FBXL17: variants seen among roughly 807,000 people sequenced by gnomAD.
FBXL17 encodes the protein F-box/LRR-repeat protein 17.
A neutral mutation model predicts 66.2 loss-of-function variants in FBXL17; 22 were observed. That is an observed-to-expected ratio of 0.33 (90% CI 0.24 to 0.47). The LOEUF (loss-of-function observed/expected upper bound fraction) is 0.47. Ranked by LOEUF, FBXL17 falls within the 20% of genes least tolerant of loss-of-function variation. FBXL17 has a pLI of 1.00. For synonymous variants in FBXL17, 474 were observed against 400.5 expected, an observed-to-expected ratio of 1.18 and a Z score of -2.19; for missense variants, 878 against 948.2, an observed-to-expected ratio of 0.93 and a Z score of 0.97.
intron 6 of FBXL17, among the ~76,000 whole-genome samples, chr5:108,169,475 G>A (rs1429497396): frequency 6.6e-6 from 1 of 152,146 alleles, no homozygotes; most frequent in Non-Finnish European, 1.5e-5. Context: ...CCAGGGCATT[G>A]TCTTGACATA....
chr5:108,343,377 T>C lies in FBXL17; in HGVS notation c.1506+5022A>G, dbSNP rs191130481. ...GGAAAGAACACTGAAGGCGAGTATA[T>C]ACTCTGGATGATTTGGGAGGCTCAA... is the stretch of plus-strand genomic sequence containing the variant. On this transcript the variant is annotated intron_variant, in intron 4 of 8. Coordinates refer to ENST00000542267, the MANE Select transcript of FBXL17 (RefSeq NM_001163315.3). Among the ~76,000 whole-genome samples the C allele has an allele frequency of 3.3e-5, 5 of 152,294 alleles. No homozygotes were observed. In the East Asian group the frequency reaches 5.8e-4, roughly 18 times the overall value.
chr5:107,876,359 TA>T lies in FBXL17; in HGVS notation c.1965+4677del, dbSNP rs112484511. ...GTATAAAATTAGTTCTGCATGAAGT[TA>T]AAAAAAAATAGAAAGTGAAAGGGAG... On this transcript the variant is annotated intron_variant, in intron 8 of 8. Transcript: ENST00000542267. 7.7e-4 allele frequency among the ~76,000 whole-genome samples: 116 copies of T among 151,362 alleles called. 2 individuals carry two copies. Among genetic ancestry groups the T allele is most frequent in the African/African-American group, 2.5e-3 (103 of 41,314 alleles).
chr5:108,243,157 G>A (rs1354663266), intron 4 of FBXL17, among the ~76,000 whole-genome samples: 9 of 152,174 alleles, frequency 5.9e-5, no homozygotes, highest in African/African-American at 2.2e-4. Flanking sequence ...ATGTGTTAAA[G>A]TATTGTGAAA....
rs562644471 is a variant in FBXL17 at position 107,902,014 on chromosome 5, G to A, written c.1823-20835C>T. On this transcript the variant is annotated intron_variant, in intron 7 of 8. Coordinates refer to ENST00000542267, the MANE Select transcript of FBXL17 (RefSeq NM_001163315.3). ...AGACTTTTAAAAATGTGAATTACCT[G>A]ATATTTAACTGCTAGCAACCAAAAC... 3.9e-5 allele frequency among the ~76,000 whole-genome samples: 6 copies of A among 152,278 alleles called. No individual in the cohort carries two copies. In the South Asian group the frequency reaches 1.2e-3, roughly 32 times the overall value.
At chr5:108,118,013 T>C (rs1561418916) in intron 6 of FBXL17, among the ~76,000 whole-genome samples, 1 of 152,146 alleles carries the variant, frequency 6.6e-6, no homozygotes, top group Non-Finnish European at 1.5e-5. Flanking sequence ...GAAGTTTCCA[T>C]TATTTGGCAT....
intron 7 of FBXL17, among the ~76,000 whole-genome samples, chr5:108,019,668 C>G (rs889427977): frequency 2.8e-5 from 4 of 143,474 alleles, no homozygotes; most frequent in Non-Finnish European, 4.5e-5. Context: ...CACACACACT[C>G]TCTCTCTCTC....
In FBXL17 at chr5:107,859,576, G is replaced by A. The variant is rs1378044040; in HGVS notation, c.*2144C>T. Reference sequence around the variant, plus strand: ...CCCACCCCCACCCCCCCAAGCTAAAGCATGTTATAGTGCTGTACTTTAGAT... The same window carrying A: ...CCCACCCCCACCCCCCCAAGCTAAAACATGTTATAGTGCTGTACTTTAGAT... On this transcript the variant is annotated 3_prime_UTR_variant, in exon 9 of 9. Transcript: ENST00000542267. The A allele has an allele frequency of 1.1e-5, 1 of 90,060 alleles. No homozygotes were observed. The allele number at this position is 90,060 out of a possible 1,614,324, so 5.6% of individuals were successfully genotyped here. A position where few individuals can be genotyped will look rare whatever the true frequency, so the allele number is the denominator to read the frequency against.
intron 1 of FBXL17, among the ~76,000 whole-genome samples, chr5:108,377,338 C>A (rs981472670): frequency 6.6e-6 from 1 of 152,132 alleles, no homozygotes; most frequent in African/African-American, 2.4e-5. Context: ...GCTACTCTTC[C>A]ACTCACCCCA....
intron 6 of FBXL17, among the ~76,000 whole-genome samples, chr5:108,157,513 G>C (rs933600755): frequency 6.6e-6 from 1 of 150,972 alleles, no homozygotes. Context: ...CATGTTTGCT[G>C]TATTCTACGA....
intron 6 of FBXL17, among the ~76,000 whole-genome samples, chr5:108,158,799 A>G (rs926880840): frequency 6.6e-6 from 1 of 152,210 alleles, no homozygotes; most frequent in Non-Finnish European, 1.5e-5. Flanking sequence ...TAGGCTCAGT[A>G]GGAAGTTTAA....
chr5:108,340,974 T>C (rs1337145535), intron 4 of FBXL17, among the ~76,000 whole-genome samples: 1 of 152,148 alleles, frequency 6.6e-6, no homozygotes, highest in Non-Finnish European at 1.5e-5. Flanking sequence ...AAAATGTACA[T>C]ATCTTAGTAC....
At chr5:108,311,898 G>A (rs1759137742) in intron 4 of FBXL17, among the ~76,000 whole-genome samples, 6 of 152,164 alleles carry the variant, frequency 3.9e-5, no homozygotes. Context: ...AGGTACTTAT[G>A]TAAGAAGAGT....
At chr5:108,251,693 T>C (rs1756360479) in intron 4 of FBXL17, among the ~76,000 whole-genome samples, 1 of 152,084 alleles carries the variant, frequency 6.6e-6, no homozygotes, top group Admixed American at 6.6e-5. Context: ...GACAATTTGC[T>C]ACCCTGTTAT....
chr5:108,330,821 C>A (rs1047726741), intron 4 of FBXL17, among the ~76,000 whole-genome samples: 1 of 152,088 alleles, frequency 6.6e-6, no homozygotes, highest in Non-Finnish European at 1.5e-5. Context: ...ACTTAGATGA[C>A]AATCTCCTAA....
At chr5:107,990,413 T>G (rs987761893) in intron 7 of FBXL17, among the ~76,000 whole-genome samples, 1 of 152,212 alleles carries the variant, frequency 6.6e-6, no homozygotes, top group Non-Finnish European at 1.5e-5. Context: ...TATTCATTTA[T>G]CATTTGATTA....
At chr5:107,928,896 A>G (rs959370347) in intron 7 of FBXL17, among the ~76,000 whole-genome samples, 3 of 152,160 alleles carry the variant, frequency 2.0e-5, no homozygotes, top group African/African-American at 7.2e-5. Context: ...TCTCTGGAAA[A>G]AGAATTCTTT....
chr5:108,057,981 C>T (rs1016043060), intron 6 of FBXL17, among the ~76,000 whole-genome samples: 1 of 152,106 alleles, frequency 6.6e-6, no homozygotes, highest in African/African-American at 2.4e-5. Context: ...TTAGAGAGAA[C>T]TTAAGTCCCA....
At chr5:107,901,372 G>C (rs1320967073) in intron 7 of FBXL17, among the ~76,000 whole-genome samples, 1 of 152,100 alleles carries the variant, frequency 6.6e-6, no homozygotes, top group Non-Finnish European at 1.5e-5. Flanking sequence ...GGTAGAAATA[G>C]TTCTGGAAAT....
intron 5 of FBXL17, among the ~76,000 whole-genome samples, chr5:108,191,786 T>C (rs1310603581): frequency 6.6e-6 from 1 of 152,216 alleles, no homozygotes; most frequent in East Asian, 1.9e-4. Flanking sequence ...GTACTGTCCA[T>C]AAATAAAACA....
Sources: allele counts gnomAD v4.1 joint callset (sites outside exome capture counted in the v4.1 genomes callset), GRCh38; gene constraint gnomAD v4.1.1; transcripts MANE v1.5; gene names NCBI Gene and HGNC (gene_info 2026-07-23, HGNC 2026-07-21).